ATP1A4: variants seen among roughly 807,000 people sequenced by gnomAD.
The protein encoded by ATP1A4 is sodium/potassium-transporting ATPase subunit alpha-4.
A neutral mutation model predicts 114.3 loss-of-function variants in ATP1A4; 90 were observed. That is an observed-to-expected ratio of 0.79 (90% CI 0.66 to 0.94). The LOEUF is 0.94. Among genes scored for constraint, ATP1A4 ranks in the 40% least tolerant of loss-of-function variants. ATP1A4 has a pLI of 0.00. For missense variants in ATP1A4, 1,222 were observed against 1,313.6 expected, an observed-to-expected ratio of 0.93 and a Z score of 1.08; for synonymous variants, 511 against 494.1, an observed-to-expected ratio of 1.03 and a Z score of -0.45.
chr1:160,157,403 G>A lies in ATP1A4; in HGVS notation c.525+1245G>A, dbSNP rs954226165. Reference sequence around the variant, plus strand: ...CCTTCTTTGTGTCCATATGTACTCAGTGTTTAGCTTCCAGTTATAAGTGAG... The same window carrying A: ...CCTTCTTTGTGTCCATATGTACTCAATGTTTAGCTTCCAGTTATAAGTGAG... On this transcript the variant is annotated intron_variant, in intron 4 of 21. Transcript: ENST00000368081. Among the ~76,000 whole-genome samples, 3 of 152,108 alleles carry A rather than the reference G, an allele frequency of 2.0e-5. No homozygotes were observed. In the South Asian group the frequency reaches 6.2e-4, roughly 32 times the overall value.
chr1:160,179,603 A>C (rs776963038), intron 18 of ATP1A4, among the ~76,000 whole-genome samples: 34 of 152,216 alleles, frequency 2.2e-4, no homozygotes, highest in Admixed American at 4.6e-4. Context: ...CACTGCTAGA[A>C]GCAAGGATCG....
chr1:160,171,014 G>A, intron 10 of ATP1A4: 1 of 402,108 alleles, frequency 2.5e-6, no homozygotes. Flanking sequence ...CCCCCAGGGA[G>A]CTTCAGGCTG....
intron 6 of ATP1A4, among the ~76,000 whole-genome samples, chr1:160,160,976 G>T (rs534061053): frequency 3.7e-4 from 57 of 152,282 alleles, no homozygotes; most frequent in Admixed American, 2.7e-3. Flanking sequence ...ACAAAGTAGG[G>T]TTTTCATCAG....
chr1:160,171,587 T>G lies in ATP1A4; in HGVS notation c.1684T>G (p.Phe562Val), dbSNP rs1653263030. Residue 562 changes from phenylalanine (F) to valine (V), a missense_variant and splice_region_variant, in exon 12 of 22, where the codon TTC becomes GTC. By Grantham distance (50) the Phe-to-Val change is conservative. Transcript: ENST00000368081. ...TCCCTCCCTCTGTCTCTCTCCAGGC[T>G]TCTGCTTCTTGAATCTGCCTAGCAG... ...LGGLGERVLG[F>V]CFLNLPSSFS... The G allele has an allele frequency of 6.2e-7, 1 of 1,613,738 alleles. No individual in the cohort carries two copies. The highest frequency in any genetic ancestry group is 8.5e-7 in the Non-Finnish European group (1 of 1,179,760).
intron 6 of ATP1A4, among the ~76,000 whole-genome samples, chr1:160,160,795 CG>C (rs1652841208): frequency 6.6e-6 from 1 of 151,666 alleles, no homozygotes; most frequent in East Asian, 1.9e-4. Flanking sequence ...AAAGAAGAAG[CG>C]TAATGTTAAG....
chr1:160,171,643 T>A lies in ATP1A4; in HGVS notation c.1740T>A (p.Asp580Glu). Reference sequence around the variant, plus strand: ...CCAAGGGATTCCCATTTAATACAGATGAAATAAATTTCCCCATGGACAACC... The same window carrying A: ...CCAAGGGATTCCCATTTAATACAGAAGAAATAAATTTCCCCATGGACAACC... ...SFSKGFPFNT[D>E]EINFPMDNLC... Residue 580 changes from aspartate to glutamate, a missense_variant, in exon 12 of 22, where the codon GAT becomes GAA. Transcript: ENST00000368081. 1 of 1,614,192 alleles carries A rather than the reference T, an allele frequency of 6.2e-7. No homozygotes were observed. The highest frequency in any genetic ancestry group is 8.5e-7 in the Non-Finnish European group (1 of 1,180,034).
rs148798791 is a variant in ATP1A4 at position 160,165,377 on chromosome 1, C to T, written c.1047+953C>T. On this transcript the variant is annotated intron_variant, in intron 7 of 21. Transcript: ENST00000368081. Reference sequence around the variant, plus strand: ...TCACACTTGACTTACATTGCCTTCACAATCAACAAAAGTCTTTTGGTTTAA... The same window carrying T: ...TCACACTTGACTTACATTGCCTTCATAATCAACAAAAGTCTTTTGGTTTAA... Among the ~76,000 whole-genome samples the T allele has an allele frequency of 6.0e-4, 91 of 152,334 alleles. 1 individual carries two copies. In the East Asian group the frequency reaches 0.013, roughly 22 times the overall value.
At chr1:160,163,126 C>T (rs573058081) in intron 6 of ATP1A4, among the ~76,000 whole-genome samples, 5 of 152,108 alleles carry the variant, frequency 3.3e-5, no homozygotes, top group African/African-American at 4.8e-5. Flanking sequence ...AATTCAGACT[C>T]GGCATGTCTT....
intron 4 of ATP1A4, among the ~76,000 whole-genome samples, chr1:160,157,773 T>C (rs551249464): frequency 1.3e-5 from 2 of 152,318 alleles, no homozygotes; most frequent in East Asian, 1.9e-4. Context: ...GAAATGTTAA[T>C]AGGTGAATCT....
chr1:160,176,215 C>A lies in ATP1A4; in HGVS notation c.2435C>A (p.Thr812Asn). Residue 812 changes from threonine (T) to asparagine (N), a missense_variant, in exon 16 of 22, where the codon ACC (threonine) becomes AAC (asparagine). Transcript: ENST00000368081. ...LGIPLPLGTITILCIDLGTDM... is the reference protein window; with the variant it reads ...LGIPLPLGTINILCIDLGTDM... ...ATACCCCTGCCTCTGGGAACCATAA[C>A]CATCCTCTGCATTGATCTCGGCACT... 5 of 1,614,144 alleles carry A rather than the reference C, an allele frequency of 3.1e-6. No homozygotes were observed. Among genetic ancestry groups the A allele is most frequent in the Non-Finnish European group, 4.2e-6 (5 of 1,180,036 alleles).
chr1:160,157,401 C>A (rs1190409084), intron 4 of ATP1A4, among the ~76,000 whole-genome samples: 1 of 152,112 alleles, frequency 6.6e-6, no homozygotes, highest in Non-Finnish European at 1.5e-5. Flanking sequence ...CATATGTACT[C>A]AGTGTTTAGC....
chr1:160,174,448 GA>G, intron 14 of ATP1A4, 130 bp from the exon 15 acceptor site: 1 of 1,448,680 alleles, frequency 6.9e-7, no homozygotes, highest in Non-Finnish European at 9.2e-7. Context: ...AGGAGTGGGA[GA>G]AGGACGGGAG....
intron 10 of ATP1A4, among the ~76,000 whole-genome samples, chr1:160,167,741 C>G (rs942808558): frequency 1.3e-5 from 2 of 152,218 alleles, no homozygotes; most frequent in Non-Finnish European, 2.9e-5. Flanking sequence ...GAGTCACATG[C>G]AGCTGTTAGG....
chr1:160,173,845 A>G (rs1410784888), intron 13 of ATP1A4, 128 bp downstream of exon 13: 1 of 1,225,728 alleles, frequency 8.2e-7, no homozygotes, highest in Non-Finnish European at 1.1e-6. Flanking sequence ...TTTACACTAC[A>G]AAGTAAAACA....
At chr1:160,170,419 C>T (rs1034227579) in intron 10 of ATP1A4, 1 of 152,344 alleles carries the variant, frequency 6.6e-6, no homozygotes, top group African/African-American at 2.4e-5. Context: ...AGTGAGACTC[C>T]ATCTTCAAAA....
In ATP1A4 at chr1:160,156,640, T is replaced by C. The variant is rs910748593; in HGVS notation, c.525+482T>C. ...GATCACCCAGGAGTTTGAGATGCTA[T>C]CTCTACAAAAATAAAATAAAATAAA... is the stretch of plus-strand genomic sequence containing the variant. On this transcript the variant is annotated intron_variant, in intron 4 of 21. Transcript: ENST00000368081. Among the ~76,000 whole-genome samples, 8 of 152,018 alleles carry C rather than the reference T, an allele frequency of 5.3e-5. No homozygotes were observed. The Middle Eastern group carries it at 0.01, about 197-fold the overall frequency.
At chr1:160,175,100 C>T (rs896596818) in intron 15 of ATP1A4, among the ~76,000 whole-genome samples, 2 of 152,142 alleles carry the variant, frequency 1.3e-5, no homozygotes, top group Non-Finnish European at 2.9e-5. Context: ...CTATTCCATG[C>T]GCTGCAATCT....
chr1:160,164,747 G>A (rs545189925), intron 7 of ATP1A4, among the ~76,000 whole-genome samples: 9 of 152,174 alleles, frequency 5.9e-5, no homozygotes, highest in Non-Finnish European at 1.2e-4. Context: ...TATGGAGGAA[G>A]ATTAATTTGG....
chr1:160,176,480 T>C lies in ATP1A4; in HGVS notation c.2468T>C (p.Val823Ala), dbSNP rs374988380. ...TCATCCCCACCCTCCATCCTCCAGG[T>C]CCCTGCCATCTCCTTGGCTTATGAG... ...ILCIDLGTDM[V>A]PAISLAYESA... Residue 823 changes from valine to alanine, a missense_variant and splice_region_variant, in exon 17 of 22, where the codon GTC (valine) becomes GCC (alanine). By Grantham distance (64) the Val-to-Ala change is moderately conservative. Transcript: ENST00000368081. 1.7e-5 allele frequency: 27 copies of C among 1,614,122 alleles called. No individual in the cohort carries two copies. Among genetic ancestry groups the C allele is most frequent in the Non-Finnish European group, 2.1e-5 (25 of 1,180,004 alleles).
Sources: allele counts gnomAD v4.1 joint callset (sites outside exome capture counted in the v4.1 genomes callset), GRCh38; gene constraint gnomAD v4.1.1; transcripts MANE v1.5; gene names NCBI Gene and HGNC (gene_info 2026-07-23, HGNC 2026-07-21).